Variants in LPCAT1 observed in about 807,000 individuals in gnomAD.
LPCAT1 encodes lysophosphatidylcholine acyltransferase 1, also known as 1-acylglycerol-3-phosphate O-acyltransferase.
LPCAT1 carries 23 observed loss-of-function variants against 60.9 expected under a neutral mutation model. That is an observed-to-expected ratio of 0.38 (90% CI 0.27 to 0.53). LPCAT1 has a LOEUF of 0.53. Among genes scored for constraint, LPCAT1 ranks in the 20% least tolerant of loss-of-function variants. The pLI, the probability that LPCAT1 is intolerant of heterozygous loss-of-function variation, is 0.82. For synonymous variants in LPCAT1, 340 were observed against 301.1 expected (o/e 1.13, Z -1.34); for missense variants, 622 against 723.6 (o/e 0.86, Z 1.61).
Position 1,474,036 on chromosome 5 carries a change from A to C in LPCAT1, c.1100T>G (p.Ile367Arg), listed in dbSNP as rs1171661362. The change falls in exon 11 of 14, where the codon ATA (isoleucine) becomes AGA (arginine). Residue 367 changes from isoleucine to arginine, a missense_variant. Ile to Arg is a moderately conservative substitution (Grantham distance 97). Around this residue, in one of 3 missense-constraint regions of LPCAT1, gnomAD observed 288 missense variants for 283.6 expected, o/e 1.02. Transcript: ENST00000283415. ...GGAGGCGGCAAACTCCGCAATACCTATCTTCTCTCCTCCCTTCATCCTGGC... is the reference window on the plus strand; with the variant it reads ...GGAGGCGGCAAACTCCGCAATACCTCTCTTCTCTCCTCCCTTCATCCTGGC... ...ERARMKGGEK[I>R]GIAEFAASLE... 6.2e-7 allele frequency: 1 copy of C among 1,613,456 alleles called. No individual in the cohort carries two copies. The highest frequency in any genetic ancestry group is 1.1e-5 in the South Asian group (1 of 91,062).
intron 2 of LPCAT1, among the ~76,000 whole-genome samples, chr5:1,500,046 G>A (rs1326469967): frequency 6.6e-6 from 1 of 152,250 alleles, no homozygotes; most frequent in Admixed American, 6.5e-5. Flanking sequence ...CACTTGGCCC[G>A]GTTCCCCACC....
intron 4 of LPCAT1, among the ~76,000 whole-genome samples, chr5:1,488,874 T>A (rs116293072): frequency 0.026 from 3,912 of 152,254 alleles, 82 homozygotes; most frequent in Non-Finnish European, 0.04. Flanking sequence ...GCCTGGCTGA[T>A]GGAGCCGAAG....
At chr5:1,464,759 G>GCACA (rs369210112) in intron 13 of LPCAT1, among the ~76,000 whole-genome samples, 1 of 102,074 alleles carries the variant, frequency 9.8e-6, no homozygotes, top group Non-Finnish European at 2.0e-5. Context: ...CACAAAACAA[G>GCACA]CACACACACG....
At position 1,496,771 on chromosome 5, in the gene LPCAT1, G is replaced by A. The variant is rs901188224; in HGVS notation, c.279-1857C>T. Among the ~76,000 whole-genome samples, 2 of 152,194 alleles carry A rather than the reference G, an allele frequency of 1.3e-5. No homozygotes were observed. The highest frequency in any genetic ancestry group is 2.9e-5 in the Non-Finnish European group (2 of 68,046). On this transcript the variant is annotated intron_variant, in intron 2 of 13. Coordinates refer to ENST00000283415, the MANE Select transcript of LPCAT1 (RefSeq NM_024830.5). The surrounding 1 kb of genome is among the most constrained non-coding windows in gnomAD (Gnocchi z 4.7). ...CAAACTATCCACATGTGAAAACCCG[G>A]ACTGCTGGTGTGGATGACAGCCTCA...
chr5:1,471,470 C>G (rs2126491351), intron 11 of LPCAT1, among the ~76,000 whole-genome samples: 1 of 152,316 alleles, frequency 6.6e-6, no homozygotes, highest in East Asian at 1.9e-4. Flanking sequence ...CAGGTGGGGG[C>G]TGACAGGGTC....
Position 1,496,982 on chromosome 5 carries a change from C to T in LPCAT1, c.279-2068G>A, listed in dbSNP as rs1263878940. Among the ~76,000 whole-genome samples the T allele has an allele frequency of 2.0e-5, 3 of 152,184 alleles. No homozygotes were observed. The highest frequency in any genetic ancestry group is 4.4e-5 in the Non-Finnish European group (3 of 68,046). On this transcript the variant is annotated intron_variant, in intron 2 of 13. Transcript: ENST00000283415. The surrounding 1 kb of genome is among the most constrained non-coding windows in gnomAD (Gnocchi z 4.7). ...TCTCCATCAGCACCCCCAGGAAATCCACTCCGTCCTACCGCCCTCACACGG... is the reference window on the plus strand; with the variant it reads ...TCTCCATCAGCACCCCCAGGAAATCTACTCCGTCCTACCGCCCTCACACGG...
Position 1,495,928 on chromosome 5 carries a change from CTT to C in LPCAT1, c.279-1016_279-1015del, listed in dbSNP as rs1244207050. Among the ~76,000 whole-genome samples the C allele has an allele frequency of 6.6e-6, 1 of 152,198 alleles. No homozygotes were observed. Among genetic ancestry groups the C allele is most frequent in the African/African-American group, 2.4e-5 (1 of 41,456 alleles). On this transcript the variant is annotated intron_variant, in intron 2 of 13. Transcript: ENST00000283415. This position sits in a 1 kb window ranked among gnomAD's most constrained non-coding sequence, Gnocchi z 4.7. ...TCTCGTGGGGCCACCTTGGAATGGC[CTT>C]TGTGTATGCGATGATAAACAATGGT...
intron 1 of LPCAT1, among the ~76,000 whole-genome samples, 173 bp from the exon 2 acceptor site, chr5:1,501,776 AAGGCTGACCG>A (rs1171885445): frequency 6.6e-6 from 1 of 151,548 alleles, no homozygotes. Flanking sequence ...GAGGCTGACC[AAGGCTGACCG>A]AGGCTGACCA....
chr5:1,522,119 T>C lies in LPCAT1; in HGVS notation c.135+1591A>G, dbSNP rs966191370. ...GCCATAGCTGGGGCAGGAGCAGGGCTGGGGAAGCCCTGGAAACCACAGCAG... is the reference window on the plus strand; with the variant it reads ...GCCATAGCTGGGGCAGGAGCAGGGCCGGGGAAGCCCTGGAAACCACAGCAG... On this transcript the variant is annotated intron_variant, in intron 1 of 13. Transcript: ENST00000283415. The surrounding 1 kb of genome is among the most constrained non-coding windows in gnomAD (Gnocchi z 6.8). Among the ~76,000 whole-genome samples the C allele has an allele frequency of 6.6e-6, 1 of 152,084 alleles. No individual in the cohort carries two copies. Among genetic ancestry groups the C allele is most frequent in the Non-Finnish European group, 1.5e-5 (1 of 68,008 alleles).
In LPCAT1 at chr5:1,480,902, G is replaced by A; in HGVS notation, c.761+40C>T. Reference sequence around the variant, plus strand: ...CCCAAGCAGCCCCTACGTGTTCATGGAACAACAGGACAAAGAGGACGACAC... The same window carrying A: ...CCCAAGCAGCCCCTACGTGTTCATGAAACAACAGGACAAAGAGGACGACAC... On this transcript the variant is annotated intron_variant, in intron 7 of 13. Transcript: ENST00000283415. This position sits in a 1 kb window ranked among gnomAD's most constrained non-coding sequence, Gnocchi z 6.4. 6.2e-7 allele frequency: 1 copy of A among 1,613,112 alleles called. No homozygotes were observed. The highest frequency in any genetic ancestry group is 8.5e-7 in the Non-Finnish European group (1 of 1,179,392).
intron 1 of LPCAT1, among the ~76,000 whole-genome samples, chr5:1,501,909 G>A (rs1162411052): frequency 1.3e-5 from 2 of 151,166 alleles, no homozygotes; most frequent in African/African-American, 4.9e-5. Context: ...GCTGACCGGT[G>A]CTGACCAAGG....
chr5:1,493,288 C>G (rs1735658951), intron 3 of LPCAT1, among the ~76,000 whole-genome samples: 1 of 152,360 alleles, frequency 6.6e-6, no homozygotes, highest in Admixed American at 6.5e-5. Flanking sequence ...CACCTTCCGG[C>G]TGCTGCAGGC....
rs550431020 is a variant in LPCAT1, at chr5:1,489,273, G to A, written c.606+473C>T. On this transcript the variant is annotated intron_variant, in intron 4 of 13. Transcript: ENST00000283415. ...TTCTGTAAAATTTCCAGCTTCTAAT[G>A]ATGGCTCAGCTGGAAAGAAGAAAAA... Among the ~76,000 whole-genome samples the A allele has an allele frequency of 8.3e-4, 127 of 152,354 alleles. 3 individuals are homozygous for A. In the South Asian group the frequency reaches 0.017, roughly 21 times the overall value.
intron 1 of LPCAT1, among the ~76,000 whole-genome samples, chr5:1,513,056 G>C (rs899578551): frequency 6.6e-6 from 1 of 152,192 alleles, no homozygotes; most frequent in African/African-American, 2.4e-5. Context: ...AGAGCCCCAC[G>C]GAGGGAGGGC....
chr5:1,474,537 A>T, intron 10 of LPCAT1, 23 bp downstream of exon 10: 1 of 1,612,924 alleles, frequency 6.2e-7, no homozygotes, highest in Non-Finnish European at 8.5e-7. Flanking sequence ...CTAATGCTCA[A>T]GGAAGAAGAA....
intron 12 of LPCAT1, among the ~76,000 whole-genome samples, chr5:1,467,545 C>T (rs912974280): frequency 6.6e-6 from 1 of 152,164 alleles, no homozygotes; most frequent in East Asian, 1.9e-4. Context: ...AGGCGCCTGC[C>T]GCCCGCTCCC....
At position 1,477,675 on chromosome 5, in the gene LPCAT1, T is replaced by C. The variant is rs1401387165; in HGVS notation, c.817-189A>G. Among the ~76,000 whole-genome samples, 1 of 152,228 alleles carries C rather than the reference T, an allele frequency of 6.6e-6. No individual in the cohort carries two copies. Among genetic ancestry groups the C allele is most frequent in the Non-Finnish European group, 1.5e-5 (1 of 68,038 alleles). On this transcript the variant is annotated intron_variant, in intron 8 of 13. Coordinates refer to ENST00000283415, the MANE Select transcript of LPCAT1 (RefSeq NM_024830.5). This position sits in a 1 kb window ranked among gnomAD's most constrained non-coding sequence, Gnocchi z 6.0. ...CCCCATGATGCATGAACTGCACACG[T>C]GTGCACCTGAACACTCACCCTCATT...
chr5:1,467,023 C>T (rs1734441870), intron 12 of LPCAT1, 133 bp from the exon 13 acceptor site: 4 of 956,532 alleles, frequency 4.2e-6, no homozygotes, highest in South Asian at 7.7e-5. Context: ...CGGCTGGACA[C>T]GGGGGACTCG....
At chr5:1,519,811 C>T (rs546024462) in intron 1 of LPCAT1, among the ~76,000 whole-genome samples, 3 of 152,350 alleles carry the variant, frequency 2.0e-5, no homozygotes, top group African/African-American at 7.2e-5. Flanking sequence ...GCACCGTCTC[C>T]AAGGCCTCTG....
Sources: allele counts gnomAD v4.1 joint callset (sites outside exome capture counted in the v4.1 genomes callset), GRCh38; gene constraint gnomAD v4.1.1; regional missense constraint gnomAD v4.1.1; non-coding constraint Gnocchi (gnomAD v3.1); transcripts MANE v1.5; gene names NCBI Gene and HGNC (gene_info 2026-07-23, HGNC 2026-07-21).